ABCA13: variants seen among roughly 807,000 people sequenced by gnomAD.
ABCA13 encodes the protein ATP binding cassette subfamily A member 13, also known as ATP-binding cassette sub-family A member 13.
Under a neutral mutation model 478.7 loss-of-function variants are expected in ABCA13, and 476 were observed. The ratio of observed to expected loss-of-function variants is 0.99; its 90% CI spans 0.92 to 1.07. The LOEUF is 1.07. Among genes scored for constraint, ABCA13 ranks in the 50% least tolerant of loss-of-function variants. ABCA13 has a pLI of 0.00. For synonymous variants in ABCA13, 2,252 were observed against 2,158.9 expected (o/e 1.04, Z -1.20); for missense variants, 6,060 against 5,910.6 (o/e 1.03, Z -0.83).
intron 42 of ABCA13, among the ~76,000 whole-genome samples, chr7:48,428,346 G>A (rs1028810173): frequency 1.3e-5 from 2 of 152,108 alleles, no homozygotes; most frequent in African/African-American, 2.4e-5. Flanking sequence ...TTTGTATGCA[G>A]CCTCCTTTAT....
intron 1 of ABCA13, among the ~76,000 whole-genome samples, chr7:48,181,662 A>G (rs1795715511): frequency 1.3e-5 from 2 of 151,990 alleles, no homozygotes; most frequent in African/African-American, 2.4e-5. Flanking sequence ...TTTGAAATGC[A>G]GTAGGGCCTC....
At chr7:48,243,287 T>C (rs1420333476) in intron 10 of ABCA13, among the ~76,000 whole-genome samples, 2 of 152,254 alleles carry the variant, frequency 1.3e-5, no homozygotes, top group African/African-American at 2.4e-5. Context: ...ATTTCTTTTT[T>C]CCTTGGGGAA....
At chr7:48,469,514 C>G (rs1827239975) in intron 44 of ABCA13, among the ~76,000 whole-genome samples, 1 of 152,184 alleles carries the variant, frequency 6.6e-6, no homozygotes. Context: ...TCAGTGTGCT[C>G]TCAGTTCTAT....
chr7:48,218,993 A>C (rs1786911424), intron 3 of ABCA13, among the ~76,000 whole-genome samples: 1 of 152,220 alleles, frequency 6.6e-6, no homozygotes. Flanking sequence ...CTCCTCATGC[A>C]CAGATCATAT....
Position 48,207,744 on chromosome 7 carries a change from G to A in ABCA13, c.287+9384G>A, listed in dbSNP as rs550414196. Among the ~76,000 whole-genome samples, 14 of 152,062 alleles carry A rather than the reference G, an allele frequency of 9.2e-5. No individual in the cohort carries two copies. The East Asian group carries it at 9.6e-4, about 10-fold the overall frequency. On this transcript the variant is annotated intron_variant, in intron 3 of 61. Transcript: ENST00000435803. Reference sequence around the variant, plus strand: ...TTGCAGATCTTTTCTCCCATTCTGCGAGTTGTTTCTTAACTTGGTTTGTTA... The same window carrying A: ...TTGCAGATCTTTTCTCCCATTCTGCAAGTTGTTTCTTAACTTGGTTTGTTA...
In ABCA13 at chr7:48,272,612, C is replaced by G; in HGVS notation, c.2946C>G (p.Gly982=). Residue 982 remains glycine, a synonymous_variant, in exon 17 of 62, where the codon GGC becomes GGG. Coordinates refer to ENST00000435803, the MANE Select transcript of ABCA13 (RefSeq NM_152701.5). ...IYELLNIQSR[G]SSLTFLTQIS... is the part of the protein sequence containing the mutation. ...AATTATTGAATATTCAGAGTAGAGG[C>G]TCTTCGTTGACTTTCCTTACACAAA... The G allele has an allele frequency of 6.2e-7, 1 of 1,613,056 alleles. No homozygotes were observed. Among genetic ancestry groups the G allele is most frequent in the Non-Finnish European group, 8.5e-7 (1 of 1,179,226 alleles).
intron 50 of ABCA13, among the ~76,000 whole-genome samples, chr7:48,510,377 C>T (rs566576590): frequency 2.9e-4 from 44 of 152,192 alleles, no homozygotes; most frequent in African/African-American, 9.4e-4. Flanking sequence ...CGTGTGAGAG[C>T]CTGAAGGAAA....
chr7:48,427,627 A>C (rs35073581), intron 41 of ABCA13, 139 bp from the exon 42 acceptor site: 118,103 of 615,260 alleles, frequency 0.19, 12,856 homozygotes, highest in East Asian at 0.27. Flanking sequence ...ATGCCAATTA[A>C]ATGGATGGCT....
intron 41 of ABCA13, among the ~76,000 whole-genome samples, chr7:48,422,718 T>C (rs1820932259): frequency 6.6e-6 from 1 of 152,212 alleles, no homozygotes; most frequent in African/African-American, 2.4e-5. Context: ...GACGTCCACG[T>C]CCTTATCACT....
intron 37 of ABCA13, among the ~76,000 whole-genome samples, chr7:48,390,649 C>T (rs2129054700): frequency 6.6e-6 from 1 of 152,280 alleles, no homozygotes; most frequent in Non-Finnish European, 1.5e-5. Flanking sequence ...CTGATCTGCT[C>T]TTTGTCACTA....
chr7:48,435,049 A>G (rs1018602314), intron 42 of ABCA13, among the ~76,000 whole-genome samples: 3 of 151,884 alleles, frequency 2.0e-5, no homozygotes, highest in African/African-American at 7.2e-5. Context: ...AAATGTCATT[A>G]GAAACTTTAG....
intron 55 of ABCA13, among the ~76,000 whole-genome samples, chr7:48,570,996 T>A (rs1787592178): frequency 6.6e-6 from 1 of 152,188 alleles, no homozygotes; most frequent in Admixed American, 6.5e-5. Flanking sequence ...GCAGTTTTCC[T>A]GGGGATTGCA....
At position 48,203,194 on chromosome 7, in the gene ABCA13, C is replaced by A. The variant is rs182476414; in HGVS notation, c.287+4834C>A. On this transcript the variant is annotated intron_variant, in intron 3 of 61. Transcript: ENST00000435803. ...ATTGCCTGGGGCCGGCAGGGCCGGCCGGCTGCTCCGAGTGCGGGCGGGGCC... is the reference window on the plus strand; with the variant it reads ...ATTGCCTGGGGCCGGCAGGGCCGGCAGGCTGCTCCGAGTGCGGGCGGGGCC... 2.1e-3 allele frequency among the ~76,000 whole-genome samples: 320 copies of A among 152,210 alleles called. 1 individual carries two copies. Among genetic ancestry groups the A allele is most frequent in the African/African-American group, 7.4e-3 (309 of 41,538 alleles).
At chr7:48,366,101 A>G (rs1811626409) in intron 31 of ABCA13, among the ~76,000 whole-genome samples, 1 of 152,144 alleles carries the variant, frequency 6.6e-6, no homozygotes, top group Non-Finnish European at 1.5e-5. Context: ...AAAATATAAT[A>G]CAAAACCATA....
chr7:48,427,750 T>G lies in ABCA13; in HGVS notation c.12460-16T>G. Reference sequence around the variant, plus strand: ...GAAACATAAAATAATACATGGCGTTTTTTTTTCTCCGAAAGGTGTTTTTGA... The same window carrying G: ...GAAACATAAAATAATACATGGCGTTGTTTTTTCTCCGAAAGGTGTTTTTGA... On this transcript the variant is annotated splice_polypyrimidine_tract_variant and intron_variant, in intron 41 of 61. Coordinates refer to ENST00000435803, the MANE Select transcript of ABCA13 (RefSeq NM_152701.5). The G allele has an allele frequency of 1.3e-6, 2 of 1,570,986 alleles. No homozygotes were observed. Among genetic ancestry groups the G allele is most frequent in the Non-Finnish European group, 1.7e-6 (2 of 1,142,926 alleles).
Position 48,278,650 on chromosome 7 carries a change from A to G in ABCA13, c.7456A>G (p.Ser2486Gly). 1 of 1,613,594 alleles carries G rather than the reference A, an allele frequency of 6.2e-7. No individual in the cohort carries two copies. Among genetic ancestry groups the G allele is most frequent in the Non-Finnish European group, 8.5e-7 (1 of 1,179,508 alleles). The change falls in exon 18 of 62, where the codon AGT becomes GGT. Residue 2486 changes from serine to glycine, a missense_variant. By Grantham distance (56) the Ser-to-Gly change is moderately conservative. Coordinates refer to ENST00000435803, the MANE Select transcript of ABCA13 (RefSeq NM_152701.5). ...ATTAGTTGGTGCTATTTCAAGAGCA[A>G]GTGAAGAAAGTCACGTCCTGAAACC... ...KRLVGAISRA[S>G]EESHVLKPLL... is the part of the protein sequence containing the mutation.
intron 23 of ABCA13, among the ~76,000 whole-genome samples, chr7:48,301,143 G>A (rs377445125): frequency 5.3e-5 from 8 of 151,824 alleles, no homozygotes; most frequent in East Asian, 3.8e-4. Context: ...CATTCTCCCC[G>A]CGCCACAAAT....
intron 23 of ABCA13, among the ~76,000 whole-genome samples, chr7:48,301,166 G>T (rs1358007372): frequency 2.6e-5 from 4 of 151,930 alleles, no homozygotes; most frequent in African/African-American, 9.7e-5. Flanking sequence ...TAAGGAGGAA[G>T]GGAGAGGGCA....
intron 15 of ABCA13, among the ~76,000 whole-genome samples, chr7:48,265,802 A>T (rs1331939211): frequency 1.3e-5 from 2 of 151,698 alleles, no homozygotes; most frequent in East Asian, 3.8e-4. Flanking sequence ...AATATGGAAT[A>T]GAAATGATGG....
Sources: allele counts gnomAD v4.1 joint callset (sites outside exome capture counted in the v4.1 genomes callset), GRCh38; gene constraint gnomAD v4.1.1; transcripts MANE v1.5; gene names NCBI Gene and HGNC (gene_info 2026-07-23, HGNC 2026-07-21).